SLIT1: variants seen among roughly 807,000 people sequenced by gnomAD.
SLIT1 encodes slit guidance ligand 1.
SLIT1 carries 66 observed loss-of-function variants against 186.1 expected under a neutral mutation model. The ratio of observed to expected loss-of-function variants is 0.35; its 90% CI spans 0.29 to 0.44. The LOEUF is 0.44. Among genes scored for constraint, SLIT1 ranks in the 20% least tolerant of loss-of-function variants. The pLI, the probability that SLIT1 is intolerant of heterozygous loss-of-function variation, is 1.00. For missense variants in SLIT1, 1,638 were observed against 2,037.4 expected (o/e 0.80, Z 3.77); for synonymous variants, 761 against 833.8 (o/e 0.91, Z 1.50).
intron 4 of SLIT1, among the ~76,000 whole-genome samples, chr10:97,080,867 C>T (rs1589385029): frequency 6.6e-6 from 1 of 152,246 alleles, no homozygotes; most frequent in African/African-American, 2.4e-5. Context: ...CACAGCAATG[C>T]ATTTCACAGG....
At position 97,002,275 on chromosome 10, in the gene SLIT1, C is replaced by T. The variant is rs1471618637; in HGVS notation, c.4249G>A (p.Ala1417Thr). The change falls in exon 36 of 37, where the codon GCC becomes ACC. Residue 1417 changes from alanine (A) to threonine (T), a missense_variant. Around this residue, in one of 3 missense-constraint regions of SLIT1, gnomAD observed 220 missense variants for 211.3 expected, o/e 1.04. Transcript: ENST00000266058. ...YSGALCNQAG[A>T]LAEPCRGLQC... Reference sequence around the variant, plus strand: ...AGGCCTCTGCAGGGCTCTGCCAGGGCCCCGGCCTGGTTGCACAGTGCCCCC... The same window carrying T: ...AGGCCTCTGCAGGGCTCTGCCAGGGTCCCGGCCTGGTTGCACAGTGCCCCC... 6.2e-7 allele frequency: 1 copy of T among 1,608,330 alleles called. No homozygotes were observed. The highest frequency in any genetic ancestry group is 1.3e-5 in the African/African-American group (1 of 74,868).
intron 30 of SLIT1, 78 bp from the exon 31 acceptor site, chr10:97,011,208 C>A: frequency 1.0e-6 from 1 of 989,982 alleles, no homozygotes. Context: ...ACCAGGGATC[C>A]CCCACACAGT....
intron 25 of SLIT1, among the ~76,000 whole-genome samples, chr10:97,029,200 T>G (rs1359220292): frequency 6.6e-6 from 1 of 152,246 alleles, no homozygotes; most frequent in Non-Finnish European, 1.5e-5. Context: ...CTAAGATTGT[T>G]TGATGCACCG....
chr10:97,006,120 A>G lies in SLIT1; in HGVS notation c.3579+363T>C, dbSNP rs113197333. ...ACATTTGGTTAAAGGTATAAGCCCA[A>G]AGTTAAATCTGGCCACATTCCAGGC... On this transcript the variant is annotated intron_variant, in intron 32 of 36. Coordinates refer to ENST00000266058, the MANE Select transcript of SLIT1 (RefSeq NM_003061.3). This position sits in a 1 kb window ranked among gnomAD's most constrained non-coding sequence, Gnocchi z 4.0. Among the ~76,000 whole-genome samples the G allele has an allele frequency of 6.6e-5, 10 of 152,286 alleles. No homozygotes were observed. The highest frequency in any genetic ancestry group is 2.4e-4 in the African/African-American group (10 of 41,554).
Position 97,061,108 on chromosome 10 carries a change from C to G in SLIT1, c.794-321G>C, listed in dbSNP as rs115500530. 2.9e-3 allele frequency among the ~76,000 whole-genome samples: 435 copies of G among 152,330 alleles called. 2 individuals are homozygous for G. Among genetic ancestry groups the G allele is most frequent in the African/African-American group, 0.01 (418 of 41,578 alleles). The stretch of plus-strand genomic sequence containing the variant: ...GTCCAAGTCACTTAACACTTCTGAG[C>G]CTGAGTCCCCTCATCTCTCCCATGA... On this transcript the variant is annotated intron_variant, in intron 8 of 36. Coordinates refer to ENST00000266058, the MANE Select transcript of SLIT1 (RefSeq NM_003061.3).
In SLIT1 at chr10:97,083,072, C is replaced by T. The variant is rs570875230; in HGVS notation, c.414-16986G>A. On this transcript the variant is annotated intron_variant, in intron 4 of 36. Coordinates refer to ENST00000266058, the MANE Select transcript of SLIT1 (RefSeq NM_003061.3). ...GTAGCTAGGACTCTGGGCACACCCC[C>T]ACCATGCTCAGCTAAATATTTTTAT... is the stretch of plus-strand genomic sequence containing the variant. Among the ~76,000 whole-genome samples the T allele has an allele frequency of 5.9e-5, 9 of 152,222 alleles. No individual in the cohort carries two copies. In the East Asian group the frequency reaches 1.7e-3, roughly 29 times the overall value.
intron 4 of SLIT1, among the ~76,000 whole-genome samples, chr10:97,143,776 G>A (rs1175161137): frequency 1.3e-5 from 2 of 152,260 alleles, no homozygotes; most frequent in African/African-American, 4.8e-5. Context: ...CTTCATTTAC[G>A]TACAACAACC....
intron 28 of SLIT1, among the ~76,000 whole-genome samples, chr10:97,015,514 A>C (rs1194558820): frequency 6.6e-6 from 1 of 152,238 alleles, no homozygotes; most frequent in Non-Finnish European, 1.5e-5. Flanking sequence ...TATTTACATG[A>C]ACAAACTTCC....
intron 14 of SLIT1, among the ~76,000 whole-genome samples, chr10:97,048,622 C>G (rs1470954999): frequency 3.3e-5 from 5 of 152,182 alleles, no homozygotes; most frequent in African/African-American, 1.2e-4. Flanking sequence ...TGGGCCCACA[C>G]CCTCCAGTCT....
At chr10:97,037,104 G>A (rs1291508051) in intron 22 of SLIT1, among the ~76,000 whole-genome samples, 3 of 150,348 alleles carry the variant, frequency 2.0e-5, no homozygotes, top group African/African-American at 4.9e-5. Flanking sequence ...GTGTGTATGT[G>A]TGTGTGTGTG....
At position 97,047,768 on chromosome 10, in the gene SLIT1, C is replaced by G; in HGVS notation, c.1556G>C (p.Cys519Ser). 6.2e-7 allele frequency: 1 copy of G among 1,614,122 alleles called. No individual in the cohort carries two copies. The highest frequency in any genetic ancestry group is 8.5e-7 in the Non-Finnish European group (1 of 1,180,026). The change falls in exon 16 of 37, where the codon TGT becomes TCT. Residue 519 changes from cysteine (C) to serine (S), a missense_variant. Transcript: ENST00000266058. Reference protein sequence around the residue: ...SDVVCPHKCRCEANVVECSSL... With the variant: ...SDVVCPHKCRSEANVVECSSL... Reference sequence around the variant, plus strand: ...GGAGCACTCCACCACGTTGGCCTCACAGCGGCACTTGTGGGGACAGACCAC... The same window carrying G: ...GGAGCACTCCACCACGTTGGCCTCAGAGCGGCACTTGTGGGGACAGACCAC...
chr10:97,112,946 G>T (rs983615305), intron 4 of SLIT1, among the ~76,000 whole-genome samples: 1 of 152,022 alleles, frequency 6.6e-6, no homozygotes, highest in Admixed American at 6.5e-5. Context: ...CTCCCACCTC[G>T]GCCTTTCAAA....
rs1317919583 is a variant in SLIT1 at position 97,064,826 on chromosome 10, G to A, written c.536C>T (p.Ala179Val). Reference sequence around the variant, plus strand: ...TTACAGCACCTCCAGCCCCCGCAGAGCACGGAAGGCCCCTTCCTCAATGCA... The same window carrying A: ...TTACAGCACCTCCAGCCCCCGCAGAACACGGAAGGCCCCTTCCTCAATGCA... ...ISCIEEGAFR[A>V]LRGLEVLTLN... Residue 179 changes from alanine (A) to valine (V), a missense_variant, in exon 6 of 37, where the codon GCT becomes GTT. Around this residue, in one of 3 missense-constraint regions of SLIT1, gnomAD observed 1,245 missense variants for 1,535.3 expected, o/e 0.81. Coordinates refer to ENST00000266058, the MANE Select transcript of SLIT1 (RefSeq NM_003061.3). 6.2e-6 allele frequency: 10 copies of A among 1,611,724 alleles called. No individual in the cohort carries two copies. The highest frequency in any genetic ancestry group is 8.5e-6 in the Non-Finnish European group (10 of 1,178,972).
At chr10:97,176,536 A>G (rs1850258735) in intron 1 of SLIT1, among the ~76,000 whole-genome samples, 1 of 152,072 alleles carries the variant, frequency 6.6e-6, no homozygotes, top group Admixed American at 6.6e-5. Context: ...TCTCCTCTGC[A>G]AACTTCCTTA....
At chr10:97,166,958 C>A (rs1281037204) in intron 1 of SLIT1, among the ~76,000 whole-genome samples, 1 of 152,172 alleles carries the variant, frequency 6.6e-6, no homozygotes, top group Non-Finnish European at 1.5e-5. Context: ...TCTACCAGGT[C>A]AGGCTGTCTC....
At chr10:97,013,978 T>C (rs1848432390) in intron 29 of SLIT1, 41 bp downstream of exon 29, 1 of 1,605,178 alleles carries the variant, frequency 6.2e-7, no homozygotes, top group Admixed American at 1.7e-5. Flanking sequence ...GCTGTCTCTG[T>C]TCCCCACCTC....
chr10:97,054,373 C>T (rs1480628856), intron 13 of SLIT1, among the ~76,000 whole-genome samples: 1 of 151,902 alleles, frequency 6.6e-6, no homozygotes, highest in African/African-American at 2.4e-5. Context: ...GATGTTGGTG[C>T]CGTATGTGTA....
intron 13 of SLIT1, among the ~76,000 whole-genome samples, chr10:97,049,376 G>A (rs1848767718): frequency 6.6e-6 from 1 of 152,178 alleles, no homozygotes. Flanking sequence ...TCCCCATCAA[G>A]CCTCATTCTG....
intron 1 of SLIT1, among the ~76,000 whole-genome samples, chr10:97,167,488 A>G (rs1434326397): frequency 6.6e-6 from 1 of 152,242 alleles, no homozygotes; most frequent in South Asian, 2.1e-4. Flanking sequence ...TTAACAAGTT[A>G]AATGGATGTT....
Sources: allele counts gnomAD v4.1 joint callset (sites outside exome capture counted in the v4.1 genomes callset), GRCh38; gene constraint gnomAD v4.1.1; regional missense constraint gnomAD v4.1.1; non-coding constraint Gnocchi (gnomAD v3.1); transcripts MANE v1.5; gene names NCBI Gene and HGNC (gene_info 2026-07-23, HGNC 2026-07-21).